Variants in BMPR2 observed in about 807,000 individuals in gnomAD.
The protein encoded by BMPR2 is bone morphogenetic protein receptor type 2, also known as bone morphogenetic protein receptor type-2.
Under a neutral mutation model 100.8 loss-of-function variants are expected in BMPR2, and 29 were observed. The observed-to-expected ratio is 0.29, with a 90% CI of 0.21 to 0.39. The LOEUF (loss-of-function observed/expected upper bound fraction) is 0.39, where lower values mean the gene tolerates loss of function less well. BMPR2 is among the 10% of genes least tolerant of loss of function. The pLI, the probability that BMPR2 is intolerant of heterozygous loss-of-function variation, is 1.00. For missense variants in BMPR2, 1,011 were observed against 1,274.5 expected, an observed-to-expected ratio of 0.79 and a Z score of 3.15; for synonymous variants, 382 against 442.3, an observed-to-expected ratio of 0.86 and a Z score of 1.71.
At chr2:202,552,932 A>G in intron 11 of BMPR2, 44 bp downstream of exon 11, 1 of 1,605,996 alleles carries the variant, frequency 6.2e-7, no homozygotes, top group Non-Finnish European at 8.5e-7. Flanking sequence ...AGTATTAGAA[A>G]CTGAGACCCA....
intron 1 of BMPR2, among the ~76,000 whole-genome samples, chr2:202,461,753 G>C (rs1324133098): frequency 6.6e-6 from 1 of 152,030 alleles, no homozygotes; most frequent in African/African-American, 2.4e-5. Context: ...GGATTCAGTT[G>C]TTTAGCTAAT....
chr2:202,541,392 G>A (rs997484655), intron 9 of BMPR2, among the ~76,000 whole-genome samples: 11 of 152,052 alleles, frequency 7.2e-5, no homozygotes, highest in Admixed American at 5.9e-4. Context: ...TAATGCCACC[G>A]TACTCCATCC....
chr2:202,378,482 T>C (rs1690203958), intron 1 of BMPR2, among the ~76,000 whole-genome samples: 1 of 152,216 alleles, frequency 6.6e-6, no homozygotes, highest in Non-Finnish European at 1.5e-5. Context: ...TCGAATTACT[T>C]TTTTTCTTTT....
rs1002341895 is a variant in BMPR2 at position 202,503,442 on chromosome 2, G to C, written c.419-10277G>C. On this transcript the variant is annotated intron_variant, in intron 3 of 12. Transcript: ENST00000374580. The surrounding 1 kb of genome is among the most constrained non-coding windows in gnomAD (Gnocchi z 4.0). ...GCGCTTGCGGGCCAGCCGGAGTTCC[G>C]GTTGGGCATGGGCTTGGCGGGCCCC... is the stretch of plus-strand genomic sequence containing the variant. Among the ~76,000 whole-genome samples the C allele has an allele frequency of 3.9e-5, 6 of 152,264 alleles. No homozygotes were observed. Among genetic ancestry groups the C allele is most frequent in the Admixed American group, 1.3e-4 (2 of 15,290 alleles).
At chr2:202,538,775 C>G (rs1159313761) in intron 9 of BMPR2, among the ~76,000 whole-genome samples, 1 of 106,284 alleles carries the variant, frequency 9.4e-6, no homozygotes, top group South Asian at 3.1e-4. Flanking sequence ...GCCTGGGTGA[C>G]AAAGCGAGAC....
At chr2:202,384,568 C>CTT (rs58554562) in intron 1 of BMPR2, among the ~76,000 whole-genome samples, 1,040 of 11,348 alleles carry the variant, frequency 0.092, 9 homozygotes, top group Non-Finnish European at 0.17. Flanking sequence ...TTCTTTCTTT[C>CTT]TTTTTCTTTC....
chr2:202,473,186 T>C (rs1011961518), intron 3 of BMPR2, among the ~76,000 whole-genome samples: 1 of 152,242 alleles, frequency 6.6e-6, no homozygotes, highest in East Asian at 1.9e-4. Context: ...CAGTGGCTCA[T>C]GCCTGTAATC....
rs777799730 is a variant in BMPR2, at chr2:202,559,921, A to G, written c.3092A>G (p.Lys1031Arg). The stretch of plus-strand genomic sequence containing the variant: ...GGCACTGCTACAACCATGGTGTCTA[A>G]AGATATAGGAATGAACTGTCTGTGA... Reference protein sequence around the residue: ...EGGTATTMVSKDIGMNCL With the variant: ...EGGTATTMVSRDIGMNCL Residue 1031 changes from lysine (K) to arginine (R), a missense_variant, in exon 13 of 13, where the codon AAA (lysine) becomes AGA (arginine). Transcript: ENST00000374580. The G allele has an allele frequency of 6.2e-7, 1 of 1,614,162 alleles. No homozygotes were observed. The highest frequency in any genetic ancestry group is 1.1e-5 in the South Asian group (1 of 91,086).
Position 202,513,675 on chromosome 2 carries a change from CT to C in BMPR2, c.419-38del, listed in dbSNP as rs10714063. 187,519 of 1,470,308 alleles carry C rather than the reference CT, an allele frequency of 0.13. 12,722 individuals carry two copies. Among genetic ancestry groups the C allele is most frequent in the Admixed American group, 0.15 (9,207 of 59,658 alleles). The allele number at this position is 1,470,308 out of a possible 1,614,324, so 91.1% of individuals were successfully genotyped here. ...CAGTCTGTCAGTATTTAACAAAATACTTTTTTAAAAAAAAATGACATTTCAA... is the reference window on the plus strand; with the variant it reads ...CAGTCTGTCAGTATTTAACAAAATACTTTTTAAAAAAAAATGACATTTCAA... On this transcript the variant is annotated intron_variant, in intron 3 of 12. Coordinates refer to ENST00000374580, the MANE Select transcript of BMPR2 (RefSeq NM_001204.7).
intron 1 of BMPR2, among the ~76,000 whole-genome samples, chr2:202,453,347 G>A (rs544558467): frequency 6.6e-6 from 1 of 152,016 alleles, no homozygotes; most frequent in Non-Finnish European, 1.5e-5. Flanking sequence ...ATATCAAAGA[G>A]ATGTTTGCAC....
chr2:202,449,344 T>TAAATAATAAAA (rs1266736654), intron 1 of BMPR2, among the ~76,000 whole-genome samples: 1 of 139,880 alleles, frequency 7.1e-6, no homozygotes, highest in Admixed American at 7.1e-5. Context: ...AATAAATAAA[T>TAAATAATAAAA]AAATAATAAA....
At chr2:202,479,463 TAAAA>T (rs941800159) in intron 3 of BMPR2, among the ~76,000 whole-genome samples, 2 of 151,130 alleles carry the variant, frequency 1.3e-5, no homozygotes, top group South Asian at 2.1e-4. Context: ...ATTTTTTTAA[TAAAA>T]AAAAGTAGAG....
chr2:202,527,331 A>C (rs901768472), intron 7 of BMPR2, among the ~76,000 whole-genome samples: 1 of 151,246 alleles, frequency 6.6e-6, no homozygotes, highest in African/African-American at 2.4e-5. Flanking sequence ...CTAAAAATAC[A>C]AAAAAAATTA....
chr2:202,458,283 C>CAAAAAAAAAAAAA (rs71035009), intron 1 of BMPR2, among the ~76,000 whole-genome samples: 10 of 52,310 alleles, frequency 1.9e-4, no homozygotes, highest in African/African-American at 6.7e-4. Context: ...CTTGTCTCTG[C>CAAAAAAAAAAAAA]AAAAAAAAAA....
Position 202,377,135 on chromosome 2 carries a change from T to A in BMPR2, c.-340T>A. The A allele has an allele frequency of 3.4e-6, 2 of 582,066 alleles. No homozygotes were observed. Among genetic ancestry groups the A allele is most frequent in the Non-Finnish European group, 6.1e-6 (2 of 328,150 alleles). 36.1% of individuals were successfully genotyped at this position (582,066 alleles called of 1,614,324 possible). A position where few individuals can be genotyped will look rare whatever the true frequency, so the allele number is the denominator to read the frequency against. On this transcript the variant is annotated 5_prime_UTR_variant, in exon 1 of 13. An upstream open reading frame in the 5' UTR gains an earlier in-frame stop. Transcript: ENST00000374580. ...ATATGTTTTCTCCCAGACCTGGATA[T>A]TTTTTTGATATCGTGAAACTACGAG...
intron 3 of BMPR2, among the ~76,000 whole-genome samples, chr2:202,502,517 C>G (rs1421900983): frequency 6.6e-6 from 1 of 151,802 alleles, no homozygotes; most frequent in African/African-American, 2.4e-5. Flanking sequence ...ATACCCTATT[C>G]CTTTAAAAGC....
rs1336673851 is a variant in BMPR2 at position 202,432,091 on chromosome 2, T to A, written c.77-32718T>A. Among the ~76,000 whole-genome samples the A allele has an allele frequency of 2.0e-5, 3 of 150,694 alleles. No individual in the cohort carries two copies. In the East Asian group the frequency reaches 5.8e-4, roughly 29 times the overall value. ...ATTAAAAACAATAAGTTATGTAGAA[T>A]AACTAGTATGAAGCAAAACAGTACA... On this transcript the variant is annotated intron_variant, in intron 1 of 12. Transcript: ENST00000374580.
chr2:202,415,262 G>A (rs1277568846), intron 1 of BMPR2, among the ~76,000 whole-genome samples: 1 of 152,064 alleles, frequency 6.6e-6, no homozygotes, highest in African/African-American at 2.4e-5. Context: ...CTGAGGTTGG[G>A]AGTTTGAGAC....
chr2:202,485,545 C>CTTTTTTTTTTTTTTTTGTTTTTT (rs1692757964), intron 3 of BMPR2, among the ~76,000 whole-genome samples: 1 of 64,010 alleles, frequency 1.6e-5, no homozygotes, highest in Non-Finnish European at 2.7e-5. Flanking sequence ...TTGCCTTTAT[C>CTTTTTTTTTTTTTTTTGTTTTTT]TTTTTTTTTT....
Sources: gnomAD v4.1 joint callset for allele counts (sites outside exome capture counted in the v4.1 genomes callset) on GRCh38, gnomAD v4.1.1 for gene constraint, Gnocchi (gnomAD v3.1) non-coding constraint, MANE v1.5 for transcripts, NCBI Gene and HGNC (gene_info 2026-07-23, HGNC 2026-07-21) for gene names.